The following MIAT variants were observed in gnomAD, a reference collection of about 807,000 sequenced individuals.
MIAT encodes myocardial infarction associated transcript, also known as MI related novel mRNA.
At chr22:26,664,992 T>C (rs529039399) in intron 3 of MIAT, among the ~76,000 whole-genome samples, 1 of 152,220 alleles carries the variant, frequency 6.6e-6, no homozygotes, top group Admixed American at 6.5e-5. Flanking sequence ...ATCCCAGCAC[T>C]TTGGAAGGCT....
intron 2 of MIAT, among the ~76,000 whole-genome samples, chr22:26,652,686 T>C (rs1445986072): frequency 1.3e-5 from 2 of 151,918 alleles, no homozygotes; most frequent in Non-Finnish European, 2.9e-5. Context: ...AGGCACCCAG[T>C]GGGCTGATAA....
chr22:26,658,707 C>A (rs1355562986), intron 2 of MIAT, among the ~76,000 whole-genome samples: 1 of 152,200 alleles, frequency 6.6e-6, no homozygotes, highest in Non-Finnish European at 1.5e-5. Context: ...GGCTGCCCGG[C>A]GCCTGGGATT....
At chr22:26,658,088 T>TGGGGTTGGGGGGGGGGGGGG in intron 2 of MIAT, 1 of 29,808 alleles carries the variant, frequency 3.4e-5, no homozygotes, top group Admixed American at 3.7e-4. Context: ...GAGGTGGGGG[T>TGGGGTTGGGGGGGGGGGGGG]GGGGCGGTGG....
downstream of MIAT, chr22:26,671,089 C>T (rs917378208): frequency 2.3e-5 from 9 of 398,268 alleles, no homozygotes; most frequent in African/African-American, 6.2e-5. Flanking sequence ...TGCGGGTGTG[C>T]GTGTGTCTGT....
chr22:26,649,587 T>C (rs1411993036), intron 2 of MIAT, among the ~76,000 whole-genome samples: 1 of 152,194 alleles, frequency 6.6e-6, no homozygotes. Context: ...AAGAAGTTGA[T>C]GTCCAGGGAT....
exon 4 of MIAT, chr22:26,666,795 G>C (rs954584081): frequency 2.5e-6 from 1 of 399,016 alleles, no homozygotes; most frequent in South Asian, 1.3e-4. Flanking sequence ...GGCAAGGCCT[G>C]GGCCTGGGGA....
intron 5 of MIAT, chr22:26,667,395 C>T (rs1242313780): frequency 1.5e-5 from 6 of 391,162 alleles, no homozygotes; most frequent in East Asian, 1.1e-4. Context: ...TGTGTGCATG[C>T]GTGCATGTGT....
intron 5 of MIAT, chr22:26,667,351 T>TGTGTGTGC (rs1416499221): frequency 7.6e-6 from 3 of 397,294 alleles, no homozygotes; most frequent in East Asian, 7.2e-5. Context: ...TGTGTGTGTG[T>TGTGTGTGC]GTGCGTGTGC....
exon 5 of MIAT, chr22:26,675,122 G>T (rs541315203): frequency 1.3e-5 from 5 of 398,836 alleles, no homozygotes; most frequent in Non-Finnish European, 2.2e-5. Flanking sequence ...GGTGCAGGGG[G>T]GTGGAATGGG....
chr22:26,662,242 C>T (rs962870768), intron 2 of MIAT, among the ~76,000 whole-genome samples: 1 of 152,054 alleles, frequency 6.6e-6, no homozygotes, highest in African/African-American at 2.4e-5. Flanking sequence ...TGGTGTGAGC[C>T]ACTGCGCCCA....
At chr22:26,672,247 G>A, downstream of MIAT, 1 of 399,134 alleles carries the variant, frequency 2.5e-6, no homozygotes, top group Non-Finnish European at 4.4e-6. Flanking sequence ...CGAGCTCTGG[G>A]CTCCCCCCGG....
chr22:26,674,204 C>G (rs920943247), downstream of MIAT: 5 of 398,516 alleles, frequency 1.3e-5, no homozygotes, highest in African/African-American at 1.0e-4. Flanking sequence ...GCTTCCTGTT[C>G]TAACTTTTAG....
chr22:26,672,729 T>C, downstream of MIAT: 3 of 399,032 alleles, frequency 7.5e-6, no homozygotes, highest in East Asian at 1.1e-4. Flanking sequence ...CAGAGGGGCG[T>C]GTCCCACACC....
intron 2 of MIAT, among the ~76,000 whole-genome samples, chr22:26,654,015 C>T (rs5761661): frequency 0.4 from 60,494 of 152,024 alleles, 12,085 homozygotes; most frequent in Middle Eastern, 0.45. Context: ...GCTGGGATTA[C>T]AGGCGTGAGC....
intron 3 of MIAT, among the ~76,000 whole-genome samples, chr22:26,664,376 G>A (rs1267549104): frequency 1.3e-5 from 2 of 152,092 alleles, no homozygotes; most frequent in African/African-American, 2.4e-5. Flanking sequence ...TTGAGGCATA[G>A]TTTAAAAGTC....
downstream of MIAT, chr22:26,669,934 T>C (rs1930984274): frequency 7.5e-6 from 3 of 398,640 alleles, no homozygotes; most frequent in Non-Finnish European, 1.3e-5. Flanking sequence ...GGAAGGAATG[T>C]GCTTGCCTGT....
downstream of MIAT, chr22:26,672,764 T>C (rs11704138): frequency 1.3e-3 from 536 of 398,876 alleles, 1 homozygote; most frequent in Non-Finnish European, 2.1e-3. Flanking sequence ...GGAGCCTTTC[T>C]TACACCGGAA....
chr22:26,671,799 A>G (rs1931056109), downstream of MIAT: 1 of 398,356 alleles, frequency 2.5e-6, no homozygotes, highest in African/African-American at 2.1e-5. Context: ...GATTCCCGTC[A>G]ATATAAGGGT....
downstream of MIAT, chr22:26,674,274 T>A (rs1333979829): frequency 1.8e-5 from 7 of 398,562 alleles, no homozygotes; most frequent in Admixed American, 1.8e-4. Flanking sequence ...GGAGTTTTTC[T>A]GGAAGGGACT....
Sources: allele counts gnomAD v4.1 joint callset (sites outside exome capture counted in the v4.1 genomes callset), GRCh38; gene constraint gnomAD v4.1.1; transcripts MANE v1.5; gene names NCBI Gene and HGNC (gene_info 2026-07-23, HGNC 2026-07-21).